KRT8: variants seen among roughly 807,000 people sequenced by gnomAD.
The protein encoded by KRT8 is keratin, type II cytoskeletal 8.
In KRT8, 24 loss-of-function variants were observed where a neutral mutation model predicts 43.0. That is an observed-to-expected ratio of 0.56 (90% CI 0.40 to 0.78). The LOEUF is 0.78. Ranked by LOEUF, KRT8 falls within the 30% of genes least tolerant of loss-of-function variation. The pLI is 0.00. For missense variants in KRT8, 492 were observed against 638.4 expected (o/e 0.77, Z 2.47); for synonymous variants, 214 against 261.2 (o/e 0.82, Z 1.74).
chr12:52,912,912 G>C (rs1941663856), intron 2 of KRT8, among the ~76,000 whole-genome samples: 1 of 152,236 alleles, frequency 6.6e-6, no homozygotes, highest in African/African-American at 2.4e-5. Flanking sequence ...CAGGTACACA[G>C]GCAGCGTGAC....
At position 52,930,550 on chromosome 12, in the gene KRT8, T is replaced by C. The variant is rs73297771; in HGVS notation, c.-47+18906A>G. 5.4e-3 allele frequency among the ~76,000 whole-genome samples: 805 copies of C among 148,910 alleles called. 5 individuals are homozygous for C. Among genetic ancestry groups the C allele is most frequent in the African/African-American group, 0.019 (754 of 40,402 alleles). Reference sequence around the variant, plus strand: ...ATTCTGTCTTCCAAACTTTCCTTTTTTTGTTGTTGTTCTTTTTTTCCTTTT... The same window carrying C: ...ATTCTGTCTTCCAAACTTTCCTTTTCTTGTTGTTGTTCTTTTTTTCCTTTT... On this transcript the variant is annotated intron_variant, in intron 2 of 6. Transcript: ENST00000546826.
At chr12:52,899,130 C>G in intron 5 of KRT8, 1 of 533,356 alleles carries the variant, frequency 1.9e-6, no homozygotes, top group South Asian at 2.0e-5. Flanking sequence ...CTGGCTAACA[C>G]AGTGAAACCC....
chr12:52,897,507 G>A lies in KRT8; in HGVS notation c.1373C>T (p.Ser458Phe), dbSNP rs769424289. Residue 458 changes from serine (S) to phenylalanine (F), a missense_variant, in exon 8 of 8, where the codon TCC becomes TTC. By Grantham distance (155) the Ser-to-Phe change is radical (BLOSUM62 -2). This residue lies in a region of KRT8 where 389 missense variants were observed against 485.7 expected (regional missense o/e 0.80). Coordinates refer to ENST00000692008, the Ensembl canonical transcript of KRT8. ...GATCTTCTTCACAACCACGGCCCTG[G>A]AGGAGCTGGTGCGGCTGAAGGAGCT... is the stretch of plus-strand genomic sequence containing the variant. 1.4e-5 allele frequency: 23 copies of A among 1,598,944 alleles called. No individual in the cohort carries two copies. In the South Asian group the frequency reaches 2.2e-4, roughly 15 times the overall value.
chr12:52,911,131 C>G (rs561231398), upstream of KRT8, among the ~76,000 whole-genome samples: 1 of 152,098 alleles, frequency 6.6e-6, no homozygotes, highest in African/African-American at 2.4e-5. Flanking sequence ...GCGGGCTGAT[C>G]ACCTGAGGTC....
rs570870122 is a variant in KRT8 at position 52,899,365 on chromosome 12, T to A, written c.981+410A>T. On this transcript the variant is annotated intron_variant, in intron 5 of 7. Coordinates refer to ENST00000692008, the Ensembl canonical transcript of KRT8. ...ACTAAGGAAGCAGATCAGGGAGACATGAGCAGTTTCCAGGTGCTTCCCCTC... is the reference window on the plus strand; with the variant it reads ...ACTAAGGAAGCAGATCAGGGAGACAAGAGCAGTTTCCAGGTGCTTCCCCTC... Among the ~76,000 whole-genome samples the A allele has an allele frequency of 3.0e-4, 45 of 152,158 alleles. 3 individuals carry two copies. In the South Asian group the frequency reaches 9.3e-3, roughly 32 times the overall value.
At chr12:52,944,629 G>A (rs570721521) in intron 2 of KRT8, among the ~76,000 whole-genome samples, 4 of 152,208 alleles carry the variant, frequency 2.6e-5, no homozygotes, top group African/African-American at 4.8e-5. Context: ...CAGGTTCCCC[G>A]ACTTCTCTGA....
chr12:52,900,919 CA>C (rs1941353263), intron 3 of KRT8: 1 of 632,336 alleles, frequency 1.6e-6, no homozygotes, highest in Middle Eastern at 4.0e-4. Context: ...CTTCTAGAGC[CA>C]GATCTCCAGT....
At chr12:52,902,133 A>G (rs2035875) in intron 1 of KRT8, 61 bp from the exon 2 acceptor site, 547,031 of 1,036,336 alleles carry the variant, frequency 0.53, 148,037 homozygotes, top group South Asian at 0.7. Context: ...AGTCTGGAGG[A>G]AAGCAAGCAG....
chr12:52,938,158 ATATATATATATATTTTTT>A (rs1185411955), intron 2 of KRT8, among the ~76,000 whole-genome samples: 1 of 32,856 alleles, frequency 3.0e-5, no homozygotes, highest in Non-Finnish European at 5.3e-5. Flanking sequence ...ATATATATAT[ATATATATATATATTTTTT>A]TTTTTTTTTA....
At chr12:52,898,891 G>A (rs1170845898) in exon 6 of KRT8, 1 of 1,613,426 alleles carries the variant, frequency 6.2e-7, no homozygotes, top group Non-Finnish European at 8.5e-7. Context: ...CGGCCTCCAG[G>A]GAAGCCCTCT....
intron 2 of KRT8, among the ~76,000 whole-genome samples, chr12:52,915,430 A>G (rs1941717503): frequency 6.6e-6 from 1 of 151,916 alleles, no homozygotes; most frequent in Non-Finnish European, 1.5e-5. Context: ...GGACAGGGCC[A>G]GGAACCATGC....
At chr12:52,898,941 C>T in intron 5 of KRT8, 42 bp from the exon 6 acceptor site, 2 of 1,574,590 alleles carry the variant, frequency 1.3e-6, no homozygotes. Context: ...GTTGGGTATG[C>T]CTTCTCTTCT....
chr12:52,923,611 G>A (rs1298212263), intron 2 of KRT8, among the ~76,000 whole-genome samples: 2 of 151,664 alleles, frequency 1.3e-5, no homozygotes, highest in South Asian at 2.1e-4. Context: ...GTAGAGACGG[G>A]ATTTCACCTT....
chr12:52,910,159 C>T (rs1240102483), upstream of KRT8, among the ~76,000 whole-genome samples: 2 of 152,154 alleles, frequency 1.3e-5, no homozygotes, highest in Non-Finnish European at 2.9e-5. Flanking sequence ...GAAGCCTAGG[C>T]GGAAGGTCCC....
exon 6 of KRT8, chr12:52,898,841 T>G: frequency 6.2e-7 from 1 of 1,613,512 alleles, no homozygotes; most frequent in Admixed American, 1.7e-5. Flanking sequence ...GTTGGCATCC[T>G]TAATGGCCAG....
chr12:52,919,126 G>C lies in KRT8; in HGVS notation c.-46-14099C>G, dbSNP rs150909616. 4.9e-3 allele frequency among the ~76,000 whole-genome samples: 741 copies of C among 152,284 alleles called. 7 individuals are homozygous for C. The highest frequency in any genetic ancestry group is 0.017 in the African/African-American group (720 of 41,546). On this transcript the variant is annotated intron_variant, in intron 2 of 6. Transcript: ENST00000546826. ...TGCAAATCCAATTCCTAGGGAGCTAGCCATGCAAACAGAGCCCTGCCTACT... is the reference window on the plus strand; with the variant it reads ...TGCAAATCCAATTCCTAGGGAGCTACCCATGCAAACAGAGCCCTGCCTACT...
intron 2 of KRT8, among the ~76,000 whole-genome samples, chr12:52,917,948 GGAAGAGGAAGAAGAA>G (rs1222704480): frequency 3.6e-5 from 5 of 137,046 alleles, no homozygotes; most frequent in Non-Finnish European, 7.7e-5. Context: ...AGGAAGAAGA[GGAAGAGGAAGAAGAA>G]GAAGAGGAAG....
At chr12:52,912,467 T>C (rs1191093610) in intron 2 of KRT8, among the ~76,000 whole-genome samples, 1 of 152,204 alleles carries the variant, frequency 6.6e-6, no homozygotes, top group Admixed American at 6.5e-5. Flanking sequence ...CTGTTGAATG[T>C]CCTGACACCC....
intron 2 of KRT8, among the ~76,000 whole-genome samples, chr12:52,920,789 C>T (rs921551782): frequency 3.9e-5 from 6 of 152,186 alleles, no homozygotes; most frequent in African/African-American, 1.4e-4. Flanking sequence ...CACCTGTAAT[C>T]CCAGTACTTT....
Sources: allele counts gnomAD v4.1 joint callset (sites outside exome capture counted in the v4.1 genomes callset), GRCh38; gene constraint gnomAD v4.1.1; regional missense constraint gnomAD v4.1.1; transcripts MANE v1.5; gene names NCBI Gene and HGNC (gene_info 2026-07-23, HGNC 2026-07-21).